The following DNAH3 variants were observed in gnomAD, a reference collection of about 807,000 sequenced individuals.
DNAH3 encodes the protein dynein axonemal heavy chain 3, also known as axonemal beta dynein heavy chain 3.
Under a neutral mutation model 432.5 loss-of-function variants are expected in DNAH3, and 332 were observed. That is an observed-to-expected ratio of 0.77 (90% CI 0.70 to 0.84). DNAH3 has a LOEUF of 0.84. DNAH3 is among the 40% of genes least tolerant of loss of function. The pLI is 0.00. For missense variants in DNAH3, 4,861 were observed against 5,114.0 expected (o/e 0.95, Z 1.51); for synonymous variants, 1,956 against 1,900.2 (o/e 1.03, Z -0.76).
intron 1 of DNAH3, chr16:21,158,354 T>A (rs1338875161): frequency 2.0e-5 from 3 of 152,308 alleles, no homozygotes; most frequent in Non-Finnish European, 2.9e-5. Context: ...CTTGGAAAAC[T>A]CATTCTCGGC....
chr16:20,972,507 G>A (rs1292763660), intron 51 of DNAH3, among the ~76,000 whole-genome samples: 1 of 151,950 alleles, frequency 6.6e-6, no homozygotes, highest in Non-Finnish European at 1.5e-5. Context: ...CAAAGCACTG[G>A]GATTAAAGGC....
At chr16:21,145,126 A>G in intron 3 of DNAH3, 55 bp downstream of exon 4, 1 of 1,401,738 alleles carries the variant, frequency 7.1e-7, no homozygotes, top group East Asian at 2.5e-5. Context: ...AAATAAATAA[A>G]TAAAAATTTC....
At chr16:20,963,423 C>T (rs775871271) in exon 53 of DNAH3, 86 of 1,614,010 alleles carry the variant, frequency 5.3e-5, no homozygotes, top group Non-Finnish European at 6.2e-5. Flanking sequence ...ACTCCCGGAC[C>T]GCTGGCACCA....
rs763373834 is a variant in DNAH3, at chr16:21,140,730, C to G, written c.522-20G>C. 1.2e-5 allele frequency: 19 copies of G among 1,612,384 alleles called. 1 individual carries two copies. Among genetic ancestry groups the G allele is most frequent in the Non-Finnish European group, 1.4e-5 (16 of 1,178,964 alleles). On this transcript the variant is annotated intron_variant, in intron 4 of 61. Coordinates refer to ENST00000261383, the Ensembl canonical transcript of DNAH3. ...TTGATCCTGAAAAGTAGACACAGCT[C>G]AGCCCTTGGTGTTTGGTTCTCCAGA...
intron 50 of DNAH3, among the ~76,000 whole-genome samples, chr16:20,978,440 G>A (rs1056325340): frequency 2.0e-5 from 3 of 152,116 alleles, no homozygotes; most frequent in African/African-American, 7.2e-5. Context: ...GAGACAGGAG[G>A]ATCACTTGAA....
chr16:20,969,999 G>T lies in DNAH3; in HGVS notation c.8260-9C>A. The T allele has an allele frequency of 6.2e-7, 1 of 1,613,436 alleles. No individual in the cohort carries two copies. Among genetic ancestry groups the T allele is most frequent in the South Asian group, 1.1e-5 (1 of 91,078 alleles). On this transcript the variant is annotated splice_polypyrimidine_tract_variant and intron_variant, in intron 51 of 61. Transcript: ENST00000261383. ...TCCCCCTCACATTCGTTCTGTGGGC[G>T]GCATGAGGACAAAGGAGATGAGTGC...
exon 55 of DNAH3, chr16:20,954,853 G>A (rs909996278): frequency 6.2e-7 from 1 of 1,614,116 alleles, no homozygotes; most frequent in Non-Finnish European, 8.5e-7. Flanking sequence ...CAACGGCGTG[G>A]AAGAAACAAA....
At chr16:21,009,090 A>T (rs540195385) in intron 41 of DNAH3, among the ~76,000 whole-genome samples, 3 of 152,344 alleles carry the variant, frequency 2.0e-5, no homozygotes, top group Admixed American at 2.0e-4. Flanking sequence ...GGAATTTATC[A>T]TAAGGAAATA....
chr16:21,014,421 A>T (rs1345286408), intron 41 of DNAH3, among the ~76,000 whole-genome samples: 1 of 152,196 alleles, frequency 6.6e-6, no homozygotes. Flanking sequence ...CATGACAAAG[A>T]CTCTCAGTAA....
At chr16:21,049,534 A>G in intron 31 of DNAH3, 35 bp downstream of exon 31, 1 of 1,583,406 alleles carries the variant, frequency 6.3e-7, no homozygotes, top group South Asian at 1.1e-5. Flanking sequence ...CTCCATGCAC[A>G]GCTTCTTTGT....
intron 49 of DNAH3, 86 bp from the exon 50 acceptor site, chr16:20,979,632 G>T: frequency 8.2e-7 from 1 of 1,223,194 alleles, no homozygotes; most frequent in Non-Finnish European, 1.2e-6. Flanking sequence ...ATGAGGATAT[G>T]AGAAGGCACA....
intron 37 of DNAH3, among the ~76,000 whole-genome samples, chr16:21,028,392 G>C (rs940083565): frequency 2.0e-5 from 3 of 151,644 alleles, no homozygotes; most frequent in Admixed American, 6.6e-5. Flanking sequence ...ACAGTGGCTC[G>C]TGCCTGTGAT....
intron 20 of DNAH3, among the ~76,000 whole-genome samples, chr16:21,080,604 T>G (rs2091149752): frequency 6.6e-6 from 1 of 152,152 alleles, no homozygotes; most frequent in Non-Finnish European, 1.5e-5. Context: ...CCTGAAGGAT[T>G]TGTTAAAATG....
At chr16:20,951,298 T>A (rs1310946029) in intron 56 of DNAH3, among the ~76,000 whole-genome samples, 1 of 151,942 alleles carries the variant, frequency 6.6e-6, no homozygotes, top group Admixed American at 6.6e-5. Flanking sequence ...TTTCCACTCA[T>A]AAAACTCCTA....
rs143463354 is a variant in DNAH3 at position 20,933,984 on chromosome 16, A to G, written c.11998-477T>C. Among the ~76,000 whole-genome samples the G allele has an allele frequency of 8.5e-5, 13 of 152,302 alleles. No homozygotes were observed. In the East Asian group the frequency reaches 2.5e-3, roughly 29 times the overall value. On this transcript the variant is annotated intron_variant, in intron 61 of 61. Coordinates refer to ENST00000261383, the Ensembl canonical transcript of DNAH3. The stretch of plus-strand genomic sequence containing the variant: ...AACTATTTAACAACCAGCTCACAAA[A>G]TTCCTGAAAATGTAACAGTTGGCCC...
At chr16:21,150,506 T>G in intron 1 of DNAH3, 2 of 284,146 alleles carry the variant, frequency 7.0e-6, no homozygotes, top group South Asian at 7.0e-5. Context: ...CTCTCTGAGG[T>G]CATAGACTTT....
intron 3 of DNAH3, among the ~76,000 whole-genome samples, chr16:21,144,419 G>A (rs537668806): frequency 6.6e-6 from 1 of 152,262 alleles, no homozygotes; most frequent in South Asian, 2.1e-4. Context: ...CAAGAAACTG[G>A]TGTCTATGGC....
chr16:20,955,167 T>TAGA, intron 54 of DNAH3, 110 bp from the exon 55 acceptor site: 1 of 1,066,624 alleles, frequency 9.4e-7, no homozygotes, highest in Non-Finnish European at 1.3e-6. Flanking sequence ...CTGGGTAACA[T>TAGA]GGTAAAACCC....
chr16:21,025,503 A>G (rs1160309744), intron 38 of DNAH3, among the ~76,000 whole-genome samples: 1 of 148,054 alleles, frequency 6.8e-6, no homozygotes, highest in African/African-American at 2.5e-5. Context: ...ATGTAATTAT[A>G]GATATAACAT....
Sources: gnomAD v4.1 joint callset for allele counts (sites outside exome capture counted in the v4.1 genomes callset) on GRCh38, gnomAD v4.1.1 for gene constraint, MANE v1.5 for transcripts, NCBI Gene and HGNC (gene_info 2026-07-23, HGNC 2026-07-21) for gene names.